The following CAMK1D variants were observed in gnomAD, a reference collection of about 807,000 sequenced individuals.
The protein encoded by CAMK1D is calcium/calmodulin-dependent protein kinase type 1D.
CAMK1D carries 9 observed loss-of-function variants against 47.7 expected under a neutral mutation model. The observed-to-expected ratio is 0.19, with a 90% CI of 0.11 to 0.33. The LOEUF is 0.33. CAMK1D is among the 10% of genes least tolerant of loss of function. CAMK1D has a pLI of 1.00. For missense variants in CAMK1D, 291 were observed against 488.7 expected (o/e 0.60, Z 3.81); for synonymous variants, 184 against 184.9 (o/e 0.99, Z 0.04).
chr10:12,828,218 G>A (rs1222311892), intron 10 of CAMK1D, among the ~76,000 whole-genome samples: 3 of 152,176 alleles, frequency 2.0e-5, no homozygotes, highest in African/African-American at 7.2e-5. Context: ...AAACCATGTT[G>A]TTTTCAAACA....
chr10:12,387,849 G>C (rs1004407781), intron 1 of CAMK1D, among the ~76,000 whole-genome samples: 1 of 152,034 alleles, frequency 6.6e-6, no homozygotes, highest in African/African-American at 2.4e-5. Flanking sequence ...CCTCTATCGG[G>C]ATGTAAGTTC....
rs1054394650 is a variant in CAMK1D, at chr10:12,773,690, C to T, written c.565+3891C>T. On this transcript the variant is annotated intron_variant, in intron 5 of 10. Transcript: ENST00000619168. ...GGCAGATTACCTGCGGTCAGGAGTT[C>T]CAGACCAGCCTGGCCAATATGGTGA... Among the ~76,000 whole-genome samples the T allele has an allele frequency of 2.6e-5, 4 of 152,200 alleles. No homozygotes were observed. In the East Asian group the frequency reaches 7.7e-4, roughly 29 times the overall value.
chr10:12,494,844 C>T (rs2004400), intron 1 of CAMK1D, among the ~76,000 whole-genome samples: 111,791 of 152,084 alleles, frequency 0.74, 41,436 homozygotes, highest in East Asian at 0.97. Flanking sequence ...GCTTGGATTA[C>T]AGGCGTGAAC....
At chr10:12,437,359 T>C (rs1832666878) in intron 1 of CAMK1D, among the ~76,000 whole-genome samples, 1 of 152,108 alleles carries the variant, frequency 6.6e-6, no homozygotes, top group South Asian at 2.1e-4. Flanking sequence ...GCCTGGCTAA[T>C]TTTTTGTATT....
chr10:12,818,468 C>T (rs542446908), intron 8 of CAMK1D, among the ~76,000 whole-genome samples: 17 of 152,048 alleles, frequency 1.1e-4, no homozygotes, highest in African/African-American at 3.4e-4. Flanking sequence ...GTTAGGAGTT[C>T]GAGACCAGCC....
intron 2 of CAMK1D, among the ~76,000 whole-genome samples, chr10:12,635,195 G>A (rs1398422952): frequency 2.0e-5 from 3 of 152,108 alleles, no homozygotes; most frequent in African/African-American, 7.2e-5. Flanking sequence ...CCTGTGGGTG[G>A]CATAGTGAGA....
At chr10:12,492,666 G>A (rs1030017759) in intron 1 of CAMK1D, among the ~76,000 whole-genome samples, 6 of 152,108 alleles carry the variant, frequency 3.9e-5, no homozygotes, top group East Asian at 3.9e-4. Context: ...AAAAATGCAC[G>A]CACAGCCACT....
intron 1 of CAMK1D, among the ~76,000 whole-genome samples, chr10:12,514,511 G>T (rs1453413208): frequency 6.6e-6 from 1 of 152,228 alleles, no homozygotes; most frequent in Non-Finnish European, 1.5e-5. Context: ...TGGTGAGATA[G>T]AGATAGGAGT....
chr10:12,542,156 G>A lies in CAMK1D; in HGVS notation c.93-11069G>A, dbSNP rs1836217154. ...GGCCTCCCAAAGTGCTGGGATTACA[G>A]GCATGAGCCATGGAACCCCAGCTTT... On this transcript the variant is annotated intron_variant, in intron 1 of 10. Coordinates refer to ENST00000619168, the MANE Select transcript of CAMK1D (RefSeq NM_153498.4). Among the ~76,000 whole-genome samples, 6 of 152,168 alleles carry A rather than the reference G, an allele frequency of 3.9e-5. No individual in the cohort carries two copies. The South Asian group carries it at 1.0e-3, about 26-fold the overall frequency.
intron 1 of CAMK1D, among the ~76,000 whole-genome samples, chr10:12,354,859 T>TG (rs1837461188): frequency 6.6e-6 from 1 of 150,546 alleles, no homozygotes; most frequent in African/African-American, 2.4e-5. Flanking sequence ...TTTTTTTTTT[T>TG]GAGACAGAGC....
intron 1 of CAMK1D, among the ~76,000 whole-genome samples, chr10:12,411,104 C>T: frequency 6.6e-6 from 1 of 152,176 alleles, no homozygotes; most frequent in East Asian, 1.9e-4. Flanking sequence ...CCATCGGCTC[C>T]CATCACATCA....
intron 3 of CAMK1D, among the ~76,000 whole-genome samples, chr10:12,704,229 A>G (rs929246191): frequency 4.6e-5 from 7 of 151,872 alleles, no homozygotes; most frequent in Admixed American, 1.3e-4. Context: ...CAAGGTTAAA[A>G]AGTAGAATAT....
intron 1 of CAMK1D, among the ~76,000 whole-genome samples, chr10:12,358,524 C>T (rs565940169): frequency 4.3e-4 from 66 of 152,212 alleles, no homozygotes; most frequent in Non-Finnish European, 8.5e-4. Context: ...CAGAGTGAGA[C>T]TCTGTCTCAA....
At chr10:12,697,001 C>T (rs1833323906) in intron 3 of CAMK1D, among the ~76,000 whole-genome samples, 1 of 152,114 alleles carries the variant, frequency 6.6e-6, no homozygotes, top group Non-Finnish European at 1.5e-5. Context: ...TACGACTTCT[C>T]ACTGAACTTA....
rs572392434 is a variant in CAMK1D, at chr10:12,362,793, T to C, written c.92+12883T>C. 2.6e-3 allele frequency among the ~76,000 whole-genome samples: 366 copies of C among 142,770 alleles called. 1 individual carries two copies. Among genetic ancestry groups the C allele is most frequent in the Middle Eastern group, 8.2e-3 (2 of 244 alleles). 93.7% of individuals were successfully genotyped at this position (142,770 alleles called of 152,430 possible). A position where few individuals can be genotyped will look rare whatever the true frequency, so the allele number is the denominator to read the frequency against. ...CCAAAGTGCTGGGATTACAGGCGCC[T>C]GCCACCACGCTGGGCTGATTTTTTG... On this transcript the variant is annotated intron_variant, in intron 1 of 10. Coordinates refer to ENST00000619168, the MANE Select transcript of CAMK1D (RefSeq NM_153498.4).
intron 1 of CAMK1D, among the ~76,000 whole-genome samples, chr10:12,361,467 G>T (rs1487752384): frequency 6.7e-6 from 1 of 150,152 alleles, no homozygotes; most frequent in Non-Finnish European, 1.5e-5. Context: ...GGATGGTCTC[G>T]ATCTCCTGAC....
intron 2 of CAMK1D, among the ~76,000 whole-genome samples, chr10:12,573,802 G>A (rs1182901940): frequency 4.9e-5 from 7 of 141,622 alleles, no homozygotes; most frequent in South Asian, 2.3e-4. Context: ...TTACAAGCAC[G>A]TGCCACCATG....
At chr10:12,694,456 A>G in intron 3 of CAMK1D, among the ~76,000 whole-genome samples, 1 of 107,826 alleles carries the variant, frequency 9.3e-6, no homozygotes, top group Non-Finnish European at 1.7e-5. Context: ...TGAAATATAT[A>G]TGTTATATAT....
At chr10:12,709,393 A>G (rs1451241880) in intron 3 of CAMK1D, among the ~76,000 whole-genome samples, 1 of 151,930 alleles carries the variant, frequency 6.6e-6, no homozygotes, top group Non-Finnish European at 1.5e-5. Flanking sequence ...CCTCTTTGCC[A>G]TTGTTGAAAC....
Sources: gnomAD v4.1 joint callset for allele counts (sites outside exome capture counted in the v4.1 genomes callset) on GRCh38, gnomAD v4.1.1 for gene constraint, MANE v1.5 for transcripts, NCBI Gene and HGNC (gene_info 2026-07-23, HGNC 2026-07-21) for gene names.